The following HK2 variants were observed in gnomAD, a reference collection of about 807,000 sequenced individuals.
HK2 encodes the protein hexokinase 2.
A neutral mutation model predicts 92.9 loss-of-function variants in HK2; 42 were observed. The ratio of observed to expected loss-of-function variants is 0.45; its 90% CI spans 0.35 to 0.58. The LOEUF is 0.58. Ranked by LOEUF, HK2 falls within the 20% of genes least tolerant of loss-of-function variation. The pLI is 0.00. For missense variants in HK2, 978 were observed against 1,245.1 expected (o/e 0.79, Z 3.23); for synonymous variants, 422 against 468.0 (o/e 0.90, Z 1.27).
At chr2:74,869,625 C>T (rs940242451) in intron 3 of HK2, among the ~76,000 whole-genome samples, 3 of 152,118 alleles carry the variant, frequency 2.0e-5, no homozygotes, top group Middle Eastern at 3.2e-3. Flanking sequence ...ACGTATATCT[C>T]GTGGAAAGGG....
intron 1 of HK2, among the ~76,000 whole-genome samples, chr2:74,854,028 A>C (rs1286954464): frequency 6.6e-6 from 1 of 152,032 alleles, no homozygotes; most frequent in African/African-American, 2.4e-5. Flanking sequence ...TTCTGAAAAG[A>C]ACTCTCCTCT....
At chr2:74,851,145 G>C (rs1688557419) in intron 1 of HK2, among the ~76,000 whole-genome samples, 1 of 152,206 alleles carries the variant, frequency 6.6e-6, no homozygotes, top group South Asian at 2.1e-4. Context: ...GACAGGCGAG[G>C]GTGGCTGTCC....
chr2:74,851,483 C>T (rs1688566614), intron 1 of HK2, among the ~76,000 whole-genome samples: 1 of 152,188 alleles, frequency 6.6e-6, no homozygotes, highest in Non-Finnish European at 1.5e-5. Context: ...TCCAACATGT[C>T]TTGAAACAGT....
chr2:74,882,629 T>G, intron 12 of HK2, among the ~76,000 whole-genome samples: 1 of 59,452 alleles, frequency 1.7e-5, no homozygotes, highest in East Asian at 5.1e-4. Context: ...ATAGCATTTT[T>G]AAGCACTTAC....
rs1224700820 is a variant in HK2 at position 74,885,573 on chromosome 2, C to T, written c.1919C>T (p.Ala640Val). 5 of 1,612,216 alleles carry T rather than the reference C, an allele frequency of 3.1e-6. No individual in the cohort carries two copies. The highest frequency in any genetic ancestry group is 2.2e-5 in the East Asian group (1 of 44,850). ...GEDVVTLLKE[A>V]IHRREEFDLD... ...GACGTGGTGACCCTGCTGAAGGAAGCGATCCACCGGCGAGAGGTAGGAGAC... is the reference window on the plus strand; with the variant it reads ...GACGTGGTGACCCTGCTGAAGGAAGTGATCCACCGGCGAGAGGTAGGAGAC... Residue 640 changes from alanine to valine, a missense_variant, in exon 13 of 18, where the codon GCG becomes GTG. Physicochemically the swap from Ala to Val is moderately conservative, Grantham distance 64. This residue lies in a region of HK2 where 742 missense variants were observed against 922.5 expected (regional missense o/e 0.80). Transcript: ENST00000290573.
At position 74,834,779 on chromosome 2, in the gene HK2, G is replaced by A; in HGVS notation, c.63+136G>A. 1 of 928,396 alleles carries A rather than the reference G, an allele frequency of 1.1e-6. No homozygotes were observed. Among genetic ancestry groups the A allele is most frequent in the Non-Finnish European group, 1.7e-6 (1 of 583,694 alleles). 57.5% of individuals were successfully genotyped at this position (928,396 alleles called of 1,614,324 possible). ...GGAGCGGAAAAAGTTTGGGCAGCCG[G>A]GACACTCCTGGGCGCCAGGAGCCAC... On this transcript the variant is annotated intron_variant, in intron 1 of 17. Transcript: ENST00000290573. This position sits in a 1 kb window ranked among gnomAD's most constrained non-coding sequence, Gnocchi z 4.2.
At chr2:74,845,651 C>A (rs1330705225) in intron 1 of HK2, among the ~76,000 whole-genome samples, 1 of 152,252 alleles carries the variant, frequency 6.6e-6, no homozygotes, top group Admixed American at 6.5e-5. Flanking sequence ...GTTTGTGAGT[C>A]TGCAGTGTGT....
At chr2:74,846,928 G>T (rs28362967) in intron 1 of HK2, among the ~76,000 whole-genome samples, 35,186 of 152,154 alleles carry the variant, frequency 0.23, 4,613 homozygotes, top group South Asian at 0.33. Context: ...CCAAATAGGA[G>T]TGTTGACCTA....
At chr2:74,887,027 C>T (rs947656516) in intron 15 of HK2, among the ~76,000 whole-genome samples, 15 of 152,222 alleles carry the variant, frequency 9.9e-5, no homozygotes, top group Admixed American at 3.3e-4. Flanking sequence ...CATCTTCCAG[C>T]GCCGAGCACC....
At chr2:74,851,740 C>T (rs1163852847) in intron 1 of HK2, among the ~76,000 whole-genome samples, 1 of 152,198 alleles carries the variant, frequency 6.6e-6, no homozygotes, top group Non-Finnish European at 1.5e-5. Context: ...GTGAGAGTGT[C>T]TTTGTCAGGT....
chr2:74,885,133 C>T (rs1187224211), intron 12 of HK2, among the ~76,000 whole-genome samples: 11 of 152,150 alleles, frequency 7.2e-5, no homozygotes, highest in South Asian at 2.1e-4. Flanking sequence ...TCACTGGGGT[C>T]GGAGGGCCTC....
intron 16 of HK2, among the ~76,000 whole-genome samples, chr2:74,888,903 C>T (rs1315018557): frequency 6.6e-6 from 1 of 152,100 alleles, no homozygotes; most frequent in East Asian, 1.9e-4. Context: ...CCATGAACAG[C>T]AGCGAGAAAA....
At chr2:74,866,155 G>T (rs1391066093) in intron 2 of HK2, among the ~76,000 whole-genome samples, 1 of 152,080 alleles carries the variant, frequency 6.6e-6, no homozygotes, top group Admixed American at 6.5e-5. Context: ...ACTGTGGGTG[G>T]TGTTCTCAGG....
At chr2:74,882,332 G>A in intron 12 of HK2, 93 bp downstream of exon 12, 2 of 1,595,776 alleles carry the variant, frequency 1.3e-6, no homozygotes, top group Non-Finnish European at 8.6e-7. Flanking sequence ...GTTGAGCTAA[G>A]ACTAAGGAAA....
intron 2 of HK2, among the ~76,000 whole-genome samples, chr2:74,866,632 C>A (rs1229435333): frequency 6.6e-6 from 1 of 152,180 alleles, no homozygotes; most frequent in South Asian, 2.1e-4. Context: ...ACTGCACCTT[C>A]CCAGTGACAC....
chr2:74,887,591 T>C (rs1689569712), intron 15 of HK2, among the ~76,000 whole-genome samples: 1 of 152,044 alleles, frequency 6.6e-6, no homozygotes, highest in Non-Finnish European at 1.5e-5. Context: ...CTCGAGTTGC[T>C]TCTTGAAATT....
Position 74,847,756 on chromosome 2 carries a change from A to G in HK2, c.64-6537A>G, listed in dbSNP as rs1417690711. Among the ~76,000 whole-genome samples the G allele has an allele frequency of 3.3e-5, 5 of 152,174 alleles. No individual in the cohort carries two copies. The South Asian group carries it at 8.3e-4, about 25-fold the overall frequency. On this transcript the variant is annotated intron_variant, in intron 1 of 17. Transcript: ENST00000290573. ...CCAAGCTTCCTGACAGTCAAGGCAA[A>G]AAGGATAGTTAGTTCTCTTTGAGTC... is the stretch of plus-strand genomic sequence containing the variant.
intron 7 of HK2, among the ~76,000 whole-genome samples, chr2:74,874,990 A>G (rs568744357): frequency 2.0e-5 from 3 of 152,252 alleles, no homozygotes; most frequent in South Asian, 2.1e-4. Context: ...CCTTGGCCCA[A>G]CTATGTCCTG....
chr2:74,861,284 G>T (rs1412917617), intron 2 of HK2, among the ~76,000 whole-genome samples: 3 of 152,164 alleles, frequency 2.0e-5, no homozygotes, highest in African/African-American at 7.2e-5. Context: ...AGCCGGTTGT[G>T]GTGGCATGGA....
Sources: allele counts gnomAD v4.1 joint callset (sites outside exome capture counted in the v4.1 genomes callset), GRCh38; gene constraint gnomAD v4.1.1; regional missense constraint gnomAD v4.1.1; non-coding constraint Gnocchi (gnomAD v3.1); transcripts MANE v1.5; gene names NCBI Gene and HGNC (gene_info 2026-07-23, HGNC 2026-07-21).